The following MRC1 variants were observed in gnomAD, a reference collection of about 807,000 sequenced individuals.
The protein encoded by MRC1 is macrophage mannose receptor 1.
Under a neutral mutation model 102.9 loss-of-function variants are expected in MRC1, and 62 were observed. The ratio of observed to expected loss-of-function variants is 0.60; its 90% CI spans 0.49 to 0.74. The LOEUF is 0.74. Among genes scored for constraint, MRC1 ranks in the 30% least tolerant of loss-of-function variants. The pLI is 0.00. For missense variants in MRC1, 1,237 were observed against 862.8 expected (o/e 1.43, Z -5.43); for synonymous variants, 457 against 298.4 (o/e 1.53, Z -5.48).
intron 22 of MRC1, among the ~76,000 whole-genome samples, chr10:17,890,215 A>C (rs1384218688): frequency 6.6e-6 from 1 of 152,036 alleles, no homozygotes; most frequent in Non-Finnish European, 1.5e-5. Flanking sequence ...TTTAGAGATA[A>C]GATTTTTTTT....
At chr10:17,881,029 C>A (rs1044941695) in intron 20 of MRC1, 38 bp from the exon 21 acceptor site, 1 of 779,714 alleles carries the variant, frequency 1.3e-6, no homozygotes, top group Non-Finnish European at 2.4e-6. Flanking sequence ...TTAACCCCTG[C>A]AGTTTTTCTT....
chr10:17,860,416 C>T (rs1833167565), intron 9 of MRC1, among the ~76,000 whole-genome samples: 1 of 152,076 alleles, frequency 6.6e-6, no homozygotes, highest in East Asian at 1.9e-4. Context: ...GCTGGGACTA[C>T]AGGCACATGC....
intron 5 of MRC1, among the ~76,000 whole-genome samples, chr10:17,841,915 T>G (rs1180640453): frequency 6.6e-6 from 1 of 152,126 alleles, no homozygotes; most frequent in Non-Finnish European, 1.5e-5. Context: ...AGCCATTGAG[T>G]GGTTTTCGCA....
chr10:17,869,850 C>G (rs1444680613), intron 12 of MRC1, among the ~76,000 whole-genome samples: 1 of 152,134 alleles, frequency 6.6e-6, no homozygotes. Flanking sequence ...CCTTCAAATT[C>G]TTCTTCTTCA....
At chr10:17,875,049 G>A in intron 16 of MRC1, 41 bp from the exon 17 acceptor site, 3 of 780,600 alleles carry the variant, frequency 3.8e-6, no homozygotes, top group Non-Finnish European at 7.2e-6. Flanking sequence ...TCTTGAATTT[G>A]TCTGCATAAA....
At chr10:17,891,391 C>T (rs1833673613) in intron 22 of MRC1, among the ~76,000 whole-genome samples, 1 of 152,072 alleles carries the variant, frequency 6.6e-6, no homozygotes, top group South Asian at 2.1e-4. Context: ...TGCTCTCGAC[C>T]TCCTGACCTC....
chr10:17,809,934 G>C (rs1838197733), intron 1 of MRC1, among the ~76,000 whole-genome samples: 1 of 152,166 alleles, frequency 6.6e-6, no homozygotes, highest in Non-Finnish European at 1.5e-5. Flanking sequence ...TGGCTGGAAG[G>C]AGGGCAGCCC....
chr10:17,877,194 G>A (rs1322864321), intron 17 of MRC1, among the ~76,000 whole-genome samples: 1 of 148,252 alleles, frequency 6.7e-6, no homozygotes, highest in African/African-American at 2.5e-5. Flanking sequence ...GTTCTCCCAA[G>A]TTTGAAGAAC....
intron 5 of MRC1, 52 bp downstream of exon 5, chr10:17,840,858 C>T (rs781906078): frequency 6.2e-5 from 48 of 780,380 alleles, no homozygotes; most frequent in Middle Eastern, 4.6e-4. Context: ...GTCATCTAGA[C>T]GCCCCGAAGA....
intron 1 of MRC1, among the ~76,000 whole-genome samples, chr10:17,820,898 T>C (rs1032859162): frequency 1.3e-5 from 2 of 152,322 alleles, no homozygotes; most frequent in African/African-American, 4.8e-5. Context: ...TGTTCCATTG[T>C]GAGCAAAGCC....
Position 17,910,704 on chromosome 10 carries a change from C to A in MRC1, c.*239C>A. ...TAAAATATTTTAGATAAATGCACAG[C>A]ACCACAGCACCACATCTAAGCATTA... is the stretch of plus-strand genomic sequence containing the variant. On this transcript the variant is annotated 3_prime_UTR_variant, in exon 30 of 30. Transcript: ENST00000569591. 1 of 534,716 alleles carries A rather than the reference C, an allele frequency of 1.9e-6. No homozygotes were observed. Among genetic ancestry groups the A allele is most frequent in the East Asian group, 3.4e-5 (1 of 29,570 alleles). The allele number at this position is 534,716 out of a possible 1,614,324, so 33.1% of individuals were successfully genotyped here.
chr10:17,903,400 T>C (rs1370019602), intron 26 of MRC1, among the ~76,000 whole-genome samples: 2 of 137,956 alleles, frequency 1.4e-5, no homozygotes, highest in East Asian at 2.0e-4. Context: ...TTCTTTTTTT[T>C]TTTTTTTTTT....
At chr10:17,855,399 G>A (rs1398117757) in intron 8 of MRC1, among the ~76,000 whole-genome samples, 4 of 151,642 alleles carry the variant, frequency 2.6e-5, no homozygotes, top group Admixed American at 6.6e-5. Context: ...GTGAAACCCC[G>A]TCTCTACTAA....
intron 5 of MRC1, among the ~76,000 whole-genome samples, chr10:17,843,014 C>T (rs1401328411): frequency 6.6e-6 from 1 of 152,118 alleles, no homozygotes; most frequent in African/African-American, 2.4e-5. Context: ...TGAATAATTA[C>T]CAAGTAATGA....
chr10:17,907,595 CTCT>C lies in MRC1; in HGVS notation c.3976_3978del (p.Ser1326del). On this transcript the variant is annotated inframe_deletion, in exon 28 of 30. Transcript: ENST00000569591. ...TTGTCAACTGGAACACAGGAGATCC[CTCT>C]GGTGAACGGAATGATTGTGTAGCTT... 1.3e-6 allele frequency: 1 copy of C among 780,838 alleles called. No homozygotes were observed. Among genetic ancestry groups the C allele is most frequent in the Non-Finnish European group, 2.4e-6 (1 of 417,962 alleles). The allele number at this position is 780,838 out of a possible 1,614,324, so 48.4% of individuals were successfully genotyped here. A position where few individuals can be genotyped will look rare whatever the true frequency, so the allele number is the denominator to read the frequency against.
intron 29 of MRC1, among the ~76,000 whole-genome samples, 164 bp downstream of exon 29, chr10:17,909,511 A>G (rs536655409): frequency 1.6e-4 from 24 of 152,286 alleles, no homozygotes; most frequent in African/African-American, 5.8e-4. Flanking sequence ...ATACTTTAGA[A>G]AAAGAGGCCT....
intron 1 of MRC1, among the ~76,000 whole-genome samples, chr10:17,812,567 C>CTTTTTT (rs879229292): frequency 1.3e-5 from 1 of 79,908 alleles, no homozygotes; most frequent in Non-Finnish European, 2.2e-5. Context: ...CAACAGTAGG[C>CTTTTTT]TTTTTTTTTT....
Position 17,809,368 on chromosome 10 carries a change from C to T in MRC1, c.-98C>T, listed in dbSNP as rs1838187846. The T allele has an allele frequency of 1.2e-6, 1 of 825,294 alleles. No homozygotes were observed. The highest frequency in any genetic ancestry group is 2.4e-4 in the Middle Eastern group (1 of 4,092). 51.1% of individuals were successfully genotyped at this position (825,294 alleles called of 1,614,324 possible). ...CTTTTCAGCTGGGCAGCTCTGGGAA[C>T]TTGGATTAGGTGGAGAGGCAGTTGG... On this transcript the variant is annotated 5_prime_UTR_variant, in exon 1 of 30. Coordinates refer to ENST00000569591, the MANE Select transcript of MRC1 (RefSeq NM_002438.4).
chr10:17,889,364 A>G (rs1288550006), intron 22 of MRC1, among the ~76,000 whole-genome samples: 10 of 151,990 alleles, frequency 6.6e-5, no homozygotes, highest in African/African-American at 2.2e-4. Flanking sequence ...AATATTTTGT[A>G]TGATTTTATT....
Sources: allele counts gnomAD v4.1 joint callset (sites outside exome capture counted in the v4.1 genomes callset), GRCh38; gene constraint gnomAD v4.1.1; transcripts MANE v1.5; gene names NCBI Gene and HGNC (gene_info 2026-07-23, HGNC 2026-07-21).